ADAMTS12: variants seen among roughly 807,000 people sequenced by gnomAD.
The protein encoded by ADAMTS12 is ADAM metallopeptidase with thrombospondin type 1 motif 12.
In ADAMTS12, 118 loss-of-function variants were observed where a neutral mutation model predicts 167.8. The ratio of observed to expected loss-of-function variants is 0.70; its 90% CI spans 0.61 to 0.82. The LOEUF is 0.82. Ranked by LOEUF, ADAMTS12 falls within the 40% of genes least tolerant of loss-of-function variation. ADAMTS12 has a pLI of 0.00. For synonymous variants in ADAMTS12, 704 were observed against 716.9 expected, an observed-to-expected ratio of 0.98 and a Z score of 0.29; for missense variants, 1,916 against 1,998.8, an observed-to-expected ratio of 0.96 and a Z score of 0.79.
chr5:33,723,285 C>T (rs1743866732), intron 3 of ADAMTS12, among the ~76,000 whole-genome samples: 1 of 152,156 alleles, frequency 6.6e-6, no homozygotes, highest in South Asian at 2.1e-4. Flanking sequence ...CTCTCTTATT[C>T]TCCCTTTTGT....
chr5:33,727,331 T>C (rs1411710723), intron 3 of ADAMTS12, among the ~76,000 whole-genome samples: 1 of 152,128 alleles, frequency 6.6e-6, no homozygotes, highest in Non-Finnish European at 1.5e-5. Context: ...GGCTCTCGCC[T>C]CCTTGTTTCT....
intron 2 of ADAMTS12, among the ~76,000 whole-genome samples, chr5:33,855,697 T>C (rs1749373627): frequency 6.6e-6 from 1 of 151,888 alleles, no homozygotes; most frequent in Admixed American, 6.5e-5. Flanking sequence ...ATTTATAGAA[T>C]GTGAGTCTTT....
intron 2 of ADAMTS12, among the ~76,000 whole-genome samples, chr5:33,810,654 TAA>T (rs1747423358): frequency 6.6e-6 from 1 of 152,184 alleles, no homozygotes; most frequent in Non-Finnish European, 1.5e-5. Context: ...CTGAGAGCCC[TAA>T]GAGTTCTGTG....
Position 33,570,620 on chromosome 5 carries a change from C to T in ADAMTS12, c.3972+5434G>A, listed in dbSNP as rs562188538. Among the ~76,000 whole-genome samples, 283 of 152,150 alleles carry T rather than the reference C, an allele frequency of 1.9e-3. 1 individual carries two copies. Among genetic ancestry groups the T allele is most frequent in the African/African-American group, 6.4e-3 (266 of 41,496 alleles). On this transcript the variant is annotated intron_variant, in intron 19 of 23. Transcript: ENST00000504830. Reference sequence around the variant, plus strand: ...AGCACTAAACATGGAAAGGCACAACCGGTACCAGCTTCAGCAAAATCATGC... The same window carrying T: ...AGCACTAAACATGGAAAGGCACAACTGGTACCAGCTTCAGCAAAATCATGC...
At chr5:33,639,665 G>T (rs1015123405) in intron 11 of ADAMTS12, among the ~76,000 whole-genome samples, 1 of 152,204 alleles carries the variant, frequency 6.6e-6, no homozygotes, top group Non-Finnish European at 1.5e-5. Context: ...CGTCTTCCTT[G>T]ATCCAAAGCC....
chr5:33,742,000 T>A (rs934347692), intron 3 of ADAMTS12, among the ~76,000 whole-genome samples: 9 of 152,166 alleles, frequency 5.9e-5, no homozygotes, highest in Non-Finnish European at 4.4e-5. Context: ...TTTGTCACAA[T>A]GTTCATGCAT....
intron 2 of ADAMTS12, among the ~76,000 whole-genome samples, chr5:33,820,220 G>A (rs1747818813): frequency 6.6e-6 from 1 of 152,128 alleles, no homozygotes; most frequent in Non-Finnish European, 1.5e-5. Flanking sequence ...AATTATTTGG[G>A]AGCAATCAAA....
chr5:33,692,694 C>T (rs1301516288), intron 3 of ADAMTS12, among the ~76,000 whole-genome samples: 2 of 152,126 alleles, frequency 1.3e-5, no homozygotes, highest in Non-Finnish European at 2.9e-5. Context: ...CTTTCATCTC[C>T]AAGTGACAGC....
intron 5 of ADAMTS12, among the ~76,000 whole-genome samples, chr5:33,669,790 T>A (rs984817157): frequency 6.7e-6 from 1 of 149,108 alleles, no homozygotes; most frequent in Non-Finnish European, 1.5e-5. Flanking sequence ...CAAAAACAAA[T>A]AAACAAAAAG....
At chr5:33,814,081 C>T (rs1271808394) in intron 2 of ADAMTS12, among the ~76,000 whole-genome samples, 1 of 152,140 alleles carries the variant, frequency 6.6e-6, no homozygotes, top group African/African-American at 2.4e-5. Context: ...CTATTTCCCT[C>T]CCTTAATGAT....
intron 3 of ADAMTS12, among the ~76,000 whole-genome samples, chr5:33,743,028 C>T (rs1744650690): frequency 1.3e-5 from 2 of 152,176 alleles, no homozygotes; most frequent in Non-Finnish European, 2.9e-5. Context: ...TCAGGGAAGG[C>T]TTCTCTGGGT....
At chr5:33,731,988 T>A (rs777971476) in intron 3 of ADAMTS12, among the ~76,000 whole-genome samples, 88 of 152,178 alleles carry the variant, frequency 5.8e-4, no homozygotes, top group Non-Finnish European at 1.1e-3. Flanking sequence ...GACCAGCTGG[T>A]GGTAGCTAGA....
At chr5:33,714,676 T>A (rs1158337132) in intron 3 of ADAMTS12, among the ~76,000 whole-genome samples, 2 of 152,106 alleles carry the variant, frequency 1.3e-5, no homozygotes, top group African/African-American at 4.8e-5. Context: ...GAGGTCATTA[T>A]GTTAAGTGAA....
intron 3 of ADAMTS12, among the ~76,000 whole-genome samples, chr5:33,727,278 C>T: frequency 6.6e-6 from 1 of 152,042 alleles, no homozygotes; most frequent in Admixed American, 6.6e-5. Flanking sequence ...TGTGTCCTCG[C>T]ATTTCTGAGT....
rs140639046 is a variant in ADAMTS12 at position 33,674,855 on chromosome 5, C to T, written c.915+8163G>A. ...CTCAGATTGCTATGGCTTGAATCTC[C>T]CCTCAAAAACTCATGTTGAAATTTG... On this transcript the variant is annotated intron_variant, in intron 5 of 23. Coordinates refer to ENST00000504830, the MANE Select transcript of ADAMTS12 (RefSeq NM_030955.4). 4.6e-5 allele frequency among the ~76,000 whole-genome samples: 7 copies of T among 152,230 alleles called. No individual in the cohort carries two copies. The East Asian group carries it at 1.4e-3, about 29-fold the overall frequency.
chr5:33,651,500 A>C (rs1466515044), intron 7 of ADAMTS12, among the ~76,000 whole-genome samples: 1 of 152,146 alleles, frequency 6.6e-6, no homozygotes, highest in East Asian at 1.9e-4. Flanking sequence ...TCTTCTTGGG[A>C]TATTGTTTTA....
At chr5:33,713,966 T>C (rs959943243) in intron 3 of ADAMTS12, among the ~76,000 whole-genome samples, 2 of 152,132 alleles carry the variant, frequency 1.3e-5, no homozygotes, top group Admixed American at 1.3e-4. Context: ...GATAAGAGCA[T>C]GGTAGTCTTG....
At chr5:33,796,012 A>T (rs991030592) in intron 2 of ADAMTS12, among the ~76,000 whole-genome samples, 3 of 152,236 alleles carry the variant, frequency 2.0e-5, no homozygotes, top group Admixed American at 1.3e-4. Context: ...CAAGAGAAAA[A>T]ACTCAAGCAA....
In ADAMTS12 at chr5:33,769,266, G is replaced by C. The variant is rs1745655913; in HGVS notation, c.490-17718C>G. 2.0e-5 allele frequency among the ~76,000 whole-genome samples: 3 copies of C among 152,098 alleles called. No individual in the cohort carries two copies. The South Asian group carries it at 6.2e-4, about 32-fold the overall frequency. ...TTTGACTCACTGAGACCCATTTCAA[G>C]CTACTGATTTCCAGAACTGTAAGAT... is the stretch of plus-strand genomic sequence containing the variant. On this transcript the variant is annotated intron_variant, in intron 2 of 23. Coordinates refer to ENST00000504830, the MANE Select transcript of ADAMTS12 (RefSeq NM_030955.4).
Sources: gnomAD v4.1 joint callset for allele counts (sites outside exome capture counted in the v4.1 genomes callset) on GRCh38, gnomAD v4.1.1 for gene constraint, MANE v1.5 for transcripts, NCBI Gene and HGNC (gene_info 2026-07-23, HGNC 2026-07-21) for gene names.